Variants in ADAMTS2 observed in about 807,000 individuals in gnomAD.
The protein encoded by ADAMTS2 is ADAM metallopeptidase with thrombospondin type 1 motif 2, also known as A disintegrin and metalloproteinase with thrombospondin motifs 2.
A neutral mutation model predicts 123.0 loss-of-function variants in ADAMTS2; 50 were observed. The ratio of observed to expected loss-of-function variants is 0.41; its 90% CI spans 0.32 to 0.51. ADAMTS2 has a LOEUF of 0.51. Among genes scored for constraint, ADAMTS2 ranks in the 20% least tolerant of loss-of-function variants. The probability of loss-of-function intolerance (pLI) is 0.35; values close to 1 mark genes in which losing one functional copy is unlikely to be tolerated. For synonymous variants in ADAMTS2, 678 were observed against 695.4 expected (o/e 0.98, Z 0.39); for missense variants, 1,494 against 1,705.2 (o/e 0.88, Z 2.18).
At chr5:179,145,996 G>A (rs1446654623) in intron 10 of ADAMTS2, among the ~76,000 whole-genome samples, 1 of 152,126 alleles carries the variant, frequency 6.6e-6, no homozygotes, top group Non-Finnish European at 1.5e-5. Flanking sequence ...GGGATTATAG[G>A]TGCCCACCAC....
rs559131819 is a variant in ADAMTS2, at chr5:179,118,154, G to A, written c.3178+3507C>T. Among the ~76,000 whole-genome samples the A allele has an allele frequency of 3.9e-5, 6 of 152,258 alleles. No individual in the cohort carries two copies. In the East Asian group the frequency reaches 1.2e-3, roughly 29 times the overall value. ...TTTAAAAAAATAAAAATACGTCAAT[G>A]AGTAAATACAAAATTGAAATAAAAT... On this transcript the variant is annotated intron_variant, in intron 21 of 21. Transcript: ENST00000251582. This position sits in a 1 kb window ranked among gnomAD's most constrained non-coding sequence, Gnocchi z 4.5.
chr5:179,206,877 C>T (rs538478855), intron 4 of ADAMTS2, among the ~76,000 whole-genome samples: 1 of 152,094 alleles, frequency 6.6e-6, no homozygotes, highest in Non-Finnish European at 1.5e-5. Context: ...GGGCAGGTGC[C>T]CAGAAGACGA....
chr5:179,184,525 A>AG (rs1366485324), intron 4 of ADAMTS2, among the ~76,000 whole-genome samples: 2 of 151,848 alleles, frequency 1.3e-5, no homozygotes, highest in East Asian at 3.9e-4. Context: ...AAAAAAAAAA[A>AG]AAAAAAGAAT....
At chr5:179,226,561 G>A (rs1272111918) in intron 3 of ADAMTS2, among the ~76,000 whole-genome samples, 4 of 151,936 alleles carry the variant, frequency 2.6e-5, no homozygotes, top group Non-Finnish European at 4.4e-5. Context: ...ACGGGTATGA[G>A]CCACCGAGCA....
intron 2 of ADAMTS2, among the ~76,000 whole-genome samples, chr5:179,309,222 G>A (rs577427075): frequency 1.3e-5 from 2 of 152,344 alleles, no homozygotes; most frequent in Admixed American, 1.3e-4. Context: ...CTTCAGCCAG[G>A]CACCCACTGG....
chr5:179,223,504 ACT>A (rs1433628553), intron 3 of ADAMTS2, among the ~76,000 whole-genome samples: 1 of 150,708 alleles, frequency 6.6e-6, no homozygotes, highest in Non-Finnish European at 1.5e-5. Context: ...TCACATGCAC[ACT>A]CATACGAATG....
At chr5:179,325,230 A>G (rs554462443) in intron 2 of ADAMTS2, among the ~76,000 whole-genome samples, 5 of 152,128 alleles carry the variant, frequency 3.3e-5, no homozygotes, top group African/African-American at 1.2e-4. Context: ...GGAAATGATG[A>G]TGGTCAGGAG....
rs1041657063 is a variant in ADAMTS2, at chr5:179,162,561, G to A, written c.976-3682C>T. Among the ~76,000 whole-genome samples the A allele has an allele frequency of 1.3e-5, 2 of 152,134 alleles. No homozygotes were observed. Among genetic ancestry groups the A allele is most frequent in the African/African-American group, 2.4e-5 (1 of 41,442 alleles). The stretch of plus-strand genomic sequence containing the variant: ...AGCTGTTGCACACCATACCGTATGG[G>A]CCCCTCCTGGGGCCGTCACCCATGT... On this transcript the variant is annotated intron_variant, in intron 5 of 21. Transcript: ENST00000251582. The surrounding 1 kb of genome is among the most constrained non-coding windows in gnomAD (Gnocchi z 5.1).
intron 7 of ADAMTS2, 45 bp downstream of exon 7, chr5:179,154,769 C>T: frequency 6.7e-7 from 1 of 1,499,556 alleles, no homozygotes; most frequent in South Asian, 1.2e-5. Flanking sequence ...GGCTGGGGAT[C>T]CTAGGGTGGC....
In ADAMTS2 at chr5:179,180,861, T is replaced by C. The variant is rs1054191528; in HGVS notation, c.975+211A>G. 3.3e-5 allele frequency among the ~76,000 whole-genome samples: 5 copies of C among 152,164 alleles called. No homozygotes were observed. Among genetic ancestry groups the C allele is most frequent in the African/African-American group, 9.7e-5 (4 of 41,434 alleles). On this transcript the variant is annotated intron_variant, in intron 5 of 21. Transcript: ENST00000251582. This position sits in a 1 kb window ranked among gnomAD's most constrained non-coding sequence, Gnocchi z 4.6. The stretch of plus-strand genomic sequence containing the variant: ...CTCTTGGGATCTGGGAGTAACAGAC[T>C]CTTTTCAGTGAACAATAGTAATGGC...
intron 5 of ADAMTS2, among the ~76,000 whole-genome samples, chr5:179,159,953 G>A (rs1182147915): frequency 6.6e-6 from 1 of 152,138 alleles, no homozygotes; most frequent in Non-Finnish European, 1.5e-5. Context: ...TTTGGTTTCT[G>A]TTCTCACCAT....
chr5:179,213,893 T>G (rs1012120477), intron 3 of ADAMTS2, among the ~76,000 whole-genome samples: 1 of 152,216 alleles, frequency 6.6e-6, no homozygotes, highest in East Asian at 1.9e-4. Flanking sequence ...GCCACAGTGA[T>G]AGGAGCACTG....
intron 3 of ADAMTS2, among the ~76,000 whole-genome samples, chr5:179,223,376 GCA>G (rs1161910782): frequency 8.8e-6 from 1 of 114,220 alleles, no homozygotes; most frequent in African/African-American, 3.5e-5. Flanking sequence ...TCACAAACAC[GCA>G]CACACGAATG....
intron 3 of ADAMTS2, among the ~76,000 whole-genome samples, chr5:179,209,243 C>A (rs1000227952): frequency 6.6e-6 from 1 of 152,236 alleles, no homozygotes; most frequent in Non-Finnish European, 1.5e-5. Flanking sequence ...CATGGCATCC[C>A]AGCATGGCCG....
chr5:179,253,901 T>C (rs1324499168), intron 3 of ADAMTS2, among the ~76,000 whole-genome samples: 2 of 152,166 alleles, frequency 1.3e-5, no homozygotes, highest in East Asian at 3.9e-4. Flanking sequence ...CCTTTCTCTC[T>C]GGGGTGGGGC....
At chr5:179,125,545 C>T (rs1427397517) in intron 18 of ADAMTS2, among the ~76,000 whole-genome samples, 2 of 152,176 alleles carry the variant, frequency 1.3e-5, no homozygotes, top group East Asian at 3.9e-4. Context: ...AAATCCTTCT[C>T]GGCAGAGCTC....
intron 3 of ADAMTS2, among the ~76,000 whole-genome samples, chr5:179,265,610 A>AGCTGGCCCCTCCTGCTCTCCCCG (rs1386602188): frequency 2.0e-5 from 3 of 152,154 alleles, no homozygotes; most frequent in African/African-American, 7.2e-5. Flanking sequence ...CAGGCCCGGG[A>AGCTGGCCCCTCCTGCTCTCCCCG]GCTGGCCCCT....
At chr5:179,270,279 C>T (rs1356630587) in intron 3 of ADAMTS2, among the ~76,000 whole-genome samples, 4 of 152,156 alleles carry the variant, frequency 2.6e-5, no homozygotes, top group East Asian at 1.9e-4. Context: ...GCACCCCTGA[C>T]GCTGCAGGGA....
chr5:179,257,326 C>T (rs191621717), intron 3 of ADAMTS2, among the ~76,000 whole-genome samples: 10 of 152,352 alleles, frequency 6.6e-5, no homozygotes, highest in African/African-American at 2.4e-4. Flanking sequence ...AGACCATCAT[C>T]GGCCGTTTGC....
Sources: allele counts gnomAD v4.1 joint callset (sites outside exome capture counted in the v4.1 genomes callset), GRCh38; gene constraint gnomAD v4.1.1; non-coding constraint Gnocchi (gnomAD v3.1); transcripts MANE v1.5; gene names NCBI Gene and HGNC (gene_info 2026-07-23, HGNC 2026-07-21).